Variants in VWF observed in about 807,000 individuals in gnomAD.
The protein encoded by VWF is Factor VIII related antigen.
Under a neutral mutation model 308.6 loss-of-function variants are expected in VWF, and 176 were observed. The ratio of observed to expected loss-of-function variants is 0.57; its 90% CI spans 0.50 to 0.65. The LOEUF is 0.65. Among genes scored for constraint, VWF ranks in the 30% least tolerant of loss-of-function variants. VWF has a pLI of 0.00. For synonymous variants in VWF, 1,385 were observed against 1,443.4 expected, an observed-to-expected ratio of 0.96 and a Z score of 0.92; for missense variants, 3,146 against 3,648.2, an observed-to-expected ratio of 0.86 and a Z score of 3.55.
Position 6,027,705 on chromosome 12 carries a change from C to T in VWF, c.2967+1637G>A, listed in dbSNP as rs377585716. Among the ~76,000 whole-genome samples the T allele has an allele frequency of 3.0e-4, 46 of 152,292 alleles. No homozygotes were observed. In the East Asian group the frequency reaches 7.9e-3, roughly 26 times the overall value. On this transcript the variant is annotated intron_variant, in intron 22 of 51. Coordinates refer to ENST00000261405, the MANE Select transcript of VWF (RefSeq NM_000552.5). ...GCAAGAAAAGGGACCTCTCTCAGAG[C>T]CTCTAAGATGAATGCAGCCCTGCCC...
At chr12:6,056,753 C>T (rs1944582976) in intron 15 of VWF, 104 bp downstream of exon 15, 4 of 1,030,678 alleles carry the variant, frequency 3.9e-6, no homozygotes, top group Non-Finnish European at 5.1e-6. Context: ...CAATGCCCTA[C>T]GCCCTCTTTC....
At chr12:6,006,390 C>G (rs1219430363) in intron 34 of VWF, among the ~76,000 whole-genome samples, 4 of 152,166 alleles carry the variant, frequency 2.6e-5, no homozygotes, top group Admixed American at 2.6e-4. Context: ...AAAATGGCAA[C>G]AGTAAGTCCT....
intron 10 of VWF, among the ~76,000 whole-genome samples, chr12:6,067,522 C>T (rs1343272499): frequency 3.3e-5 from 5 of 152,174 alleles, no homozygotes; most frequent in Admixed American, 6.5e-5. Context: ...CCAAGTTTCT[C>T]GCAAATCAGA....
rs375691246 is a variant in VWF at position 6,046,864 on chromosome 12, C to T, written c.2187-47G>A. 7.9e-5 allele frequency: 123 copies of T among 1,555,316 alleles called. No individual in the cohort carries two copies. Among genetic ancestry groups the T allele is most frequent in the Admixed American group, 6.3e-4 (37 of 58,962 alleles). ...CCGAGCTTCACGAGACTCGTCTATA[C>T]TCGCTGCCTCCACATCTTCACCTCC... On this transcript the variant is annotated intron_variant, in intron 16 of 51. Transcript: ENST00000261405. The surrounding 1 kb of genome is among the most constrained non-coding windows in gnomAD (Gnocchi z 5.0).
chr12:6,100,037 A>G (rs1315175393), intron 5 of VWF, among the ~76,000 whole-genome samples: 2 of 151,924 alleles, frequency 1.3e-5, no homozygotes, highest in Non-Finnish European at 2.9e-5. Flanking sequence ...AACTCAAACA[A>G]ATTTACAAGA....
chr12:6,081,893 A>C (rs1158733250), intron 6 of VWF, among the ~76,000 whole-genome samples: 1 of 152,220 alleles, frequency 6.6e-6, no homozygotes, highest in Non-Finnish European at 1.5e-5. Flanking sequence ...GAGATTTGCA[A>C]AACTGTAAAA....
At chr12:6,014,278 C>G (rs1944033212) in intron 31 of VWF, among the ~76,000 whole-genome samples, 1 of 152,118 alleles carries the variant, frequency 6.6e-6, no homozygotes. Context: ...TCACCATGTT[C>G]TGTGAATGAA....
intron 6 of VWF, among the ~76,000 whole-genome samples, chr12:6,085,330 T>C (rs919342918): frequency 3.3e-5 from 5 of 152,204 alleles, no homozygotes; most frequent in Non-Finnish European, 5.9e-5. Context: ...TCACTTACCA[T>C]TCACTTGGCG....
chr12:6,041,455 A>ATT (rs750836419), intron 18 of VWF, among the ~76,000 whole-genome samples: 35 of 149,178 alleles, frequency 2.3e-4, no homozygotes, highest in Middle Eastern at 3.6e-3. Flanking sequence ...AAAAAAAGAA[A>ATT]TTTTTTTTTT....
At position 6,076,415 on chromosome 12, in the gene VWF, G is replaced by C. The variant is rs377060069; in HGVS notation, c.658-864C>G. Among the ~76,000 whole-genome samples the C allele has an allele frequency of 1.1e-4, 17 of 152,254 alleles. No homozygotes were observed. In the South Asian group the frequency reaches 3.5e-3, roughly 32 times the overall value. ...TTAGGATGGCTATCATATTTGAATT[G>C]GTAGGCTTTTGTTTCTGAGCGATAC... On this transcript the variant is annotated intron_variant, in intron 6 of 51. Transcript: ENST00000261405.
chr12:6,112,269 C>A (rs1441247501), intron 3 of VWF, among the ~76,000 whole-genome samples: 1 of 152,150 alleles, frequency 6.6e-6, no homozygotes, highest in Non-Finnish European at 1.5e-5. Flanking sequence ...CGGTGGCCAG[C>A]ATGAAAGAGG....
intron 19 of VWF, among the ~76,000 whole-genome samples, chr12:6,035,549 G>T (rs531919440): frequency 6.6e-6 from 1 of 152,142 alleles, no homozygotes; most frequent in African/African-American, 2.4e-5. Flanking sequence ...TCAAAGGCAG[G>T]GTGAATGAGC....
Position 6,110,910 on chromosome 12 carries a change from G to A in VWF, c.279C>T (p.Asp93=). Residue 93 remains aspartate, a synonymous_variant, in exon 4 of 52, where the codon GAC becomes GAT. Transcript: ENST00000261405. ...SLSVYLGEFF[D]IHLFVNGTVT... is the part of the protein sequence containing the mutation. ...CGGTACCATTGACAAACAAATGGAT[G>A]TCAAAAAATTCCCCAAGATACACGG... is the stretch of plus-strand genomic sequence containing the variant. 1 of 1,614,122 alleles carries A rather than the reference G, an allele frequency of 6.2e-7. No individual in the cohort carries two copies. The highest frequency in any genetic ancestry group is 1.1e-5 in the South Asian group (1 of 91,078).
chr12:6,057,142 C>T (rs1944589114), intron 14 of VWF, 70 bp from the exon 15 acceptor site: 18 of 1,413,124 alleles, frequency 1.3e-5, no homozygotes, highest in Admixed American at 6.2e-5. Context: ...CCGGTCAACA[C>T]TCCCCTGGAA....
intron 48 of VWF, among the ~76,000 whole-genome samples, 161 bp downstream of exon 48, chr12:5,953,335 C>T (rs1274553985): frequency 6.6e-6 from 1 of 152,120 alleles, no homozygotes; most frequent in African/African-American, 2.4e-5. Context: ...AAATTCTGTG[C>T]CTGCAATAAG....
intron 3 of VWF, among the ~76,000 whole-genome samples, chr12:6,117,919 A>C (rs999404556): frequency 6.6e-6 from 1 of 152,142 alleles, no homozygotes; most frequent in African/African-American, 2.4e-5. Flanking sequence ...TCCGACTGCA[A>C]CTCTGGCTCT....
intron 47 of VWF, chr12:5,953,816 G>A (rs1943220340): frequency 3.4e-6 from 2 of 582,714 alleles, no homozygotes; most frequent in South Asian, 2.0e-5. Context: ...GTAGCAGCCA[G>A]TCCTATTAAA....
intron 22 of VWF, among the ~76,000 whole-genome samples, chr12:6,028,278 T>C (rs886553874): frequency 2.0e-5 from 3 of 152,222 alleles, no homozygotes; most frequent in African/African-American, 7.2e-5. Context: ...GGCCCATGAC[T>C]CAATGATAAG....
chr12:6,060,268 G>A lies in VWF; in HGVS notation c.1534-2224C>T, dbSNP rs1476878334. Reference sequence around the variant, plus strand: ...CTGGGCCCTGCAGGGCAGCCAGCAGGGCAGGGAAGCAGCACACAGAGGATG... The same window carrying A: ...CTGGGCCCTGCAGGGCAGCCAGCAGAGCAGGGAAGCAGCACACAGAGGATG... On this transcript the variant is annotated intron_variant, in intron 13 of 51. Transcript: ENST00000261405. This position sits in a 1 kb window ranked among gnomAD's most constrained non-coding sequence, Gnocchi z 5.1. Among the ~76,000 whole-genome samples, 2 of 152,156 alleles carry A rather than the reference G, an allele frequency of 1.3e-5. No homozygotes were observed. The highest frequency in any genetic ancestry group is 2.9e-5 in the Non-Finnish European group (2 of 68,022).
Sources: gnomAD v4.1 joint callset for allele counts (sites outside exome capture counted in the v4.1 genomes callset) on GRCh38, gnomAD v4.1.1 for gene constraint, Gnocchi (gnomAD v3.1) non-coding constraint, MANE v1.5 for transcripts, NCBI Gene and HGNC (gene_info 2026-07-23, HGNC 2026-07-21) for gene names.